The following CCNYL1 variants were observed in gnomAD, a reference collection of about 807,000 sequenced individuals.
The protein encoded by CCNYL1 is cyclin-Y-like protein 1.
In CCNYL1, 16 loss-of-function variants were observed where a neutral mutation model predicts 44.2. The ratio of observed to expected loss-of-function variants is 0.36; its 90% CI spans 0.25 to 0.55. The LOEUF (loss-of-function observed/expected upper bound fraction) is 0.55. Ranked by LOEUF, CCNYL1 falls within the 20% of genes least tolerant of loss-of-function variation. CCNYL1 has a pLI of 0.85. For missense variants in CCNYL1, 348 were observed against 451.8 expected (o/e 0.77, Z 2.08); for synonymous variants, 159 against 163.2 (o/e 0.97, Z 0.20).
chr2:207,743,963 G>A (rs541800477), intron 7 of CCNYL1, among the ~76,000 whole-genome samples: 1 of 152,134 alleles, frequency 6.6e-6, no homozygotes, highest in Non-Finnish European at 1.5e-5. Context: ...CTAGAGTAGA[G>A]GAGAGGCAGA....
At chr2:207,751,194 G>A (rs2091887891) in intron 9 of CCNYL1, 75 bp downstream of exon 9, 3 of 1,302,028 alleles carry the variant, frequency 2.3e-6, no homozygotes, top group African/African-American at 1.5e-5. Flanking sequence ...ATCATATTAA[G>A]TAGTGATTAG....
intron 5 of CCNYL1, among the ~76,000 whole-genome samples, chr2:207,738,138 A>C (rs1415936553): frequency 6.6e-6 from 1 of 152,328 alleles, no homozygotes; most frequent in Non-Finnish European, 1.5e-5. Flanking sequence ...AAGATGACCT[A>C]GCCTCACGCA....
At chr2:207,748,362 G>A (rs187296252) in intron 8 of CCNYL1, among the ~76,000 whole-genome samples, 1 of 152,296 alleles carries the variant, frequency 6.6e-6, no homozygotes, top group African/African-American at 2.4e-5. Context: ...AGAGTGCAAG[G>A]ATCCTTGCTG....
intron 1 of CCNYL1, among the ~76,000 whole-genome samples, chr2:207,721,527 CCT>C (rs1461916220): frequency 2.6e-5 from 4 of 152,158 alleles, no homozygotes; most frequent in Admixed American, 2.6e-4. Context: ...GATTTCTTCC[CCT>C]GAGGGGGGTG....
At position 207,727,183 on chromosome 2, in the gene CCNYL1, T is replaced by C. The variant is rs2091686409; in HGVS notation, c.330+307T>C. Among the ~76,000 whole-genome samples, 3 of 152,358 alleles carry C rather than the reference T, an allele frequency of 2.0e-5. 1 individual carries two copies. The highest frequency in any genetic ancestry group is 1.9e-4 in the East Asian group (1 of 5,196). ...TTTTAAAAATCAAGTAACAAAATTA[T>C]AATAGCTAAGTTCATTTTTAGCACT... On this transcript the variant is annotated intron_variant, in intron 3 of 9. Transcript: ENST00000295414.
chr2:207,734,604 T>C (rs1267529290), intron 4 of CCNYL1, among the ~76,000 whole-genome samples: 2 of 152,210 alleles, frequency 1.3e-5, no homozygotes, highest in Non-Finnish European at 2.9e-5. Flanking sequence ...AACAACTCCA[T>C]TGGGGTTGTC....
chr2:207,741,493 C>T (rs935511559), intron 6 of CCNYL1, among the ~76,000 whole-genome samples: 9 of 152,156 alleles, frequency 5.9e-5, no homozygotes, highest in African/African-American at 1.9e-4. Context: ...AGTCATGTCA[C>T]TCAACCAGAA....
In CCNYL1 at chr2:207,744,570, A is replaced by T. The variant is rs1256622998; in HGVS notation, c.639+2228A>T. Among the ~76,000 whole-genome samples, 8 of 148,320 alleles carry T rather than the reference A, an allele frequency of 5.4e-5. No individual in the cohort carries two copies. In the East Asian group the frequency reaches 1.6e-3, roughly 30 times the overall value. On this transcript the variant is annotated intron_variant, in intron 7 of 9. Transcript: ENST00000295414. ...TTTTAAGTAGAGACCGGGCTTCGCC[A>T]TGTTGGTCAGGCTAGTCTTGAACTC...
intron 1 of CCNYL1, among the ~76,000 whole-genome samples, chr2:207,716,708 A>G (rs1185007508): frequency 6.6e-6 from 1 of 152,206 alleles, no homozygotes; most frequent in African/African-American, 2.4e-5. Flanking sequence ...TTTGATTTCA[A>G]GGGTACCGAT....
At chr2:207,735,733 G>A (rs933543730) in intron 4 of CCNYL1, among the ~76,000 whole-genome samples, 77 of 152,108 alleles carry the variant, frequency 5.1e-4, no homozygotes, top group African/African-American at 1.8e-3. Context: ...CAAGCGTGGT[G>A]GCGTGCACCT....
At chr2:207,712,276 G>T (rs1309052612) in intron 1 of CCNYL1, among the ~76,000 whole-genome samples, 160 bp downstream of exon 1, 1 of 152,042 alleles carries the variant, frequency 6.6e-6, no homozygotes, top group African/African-American at 2.4e-5. Flanking sequence ...CCTTATTCTT[G>T]CCCTGCTGCG....
intron 6 of CCNYL1, 109 bp downstream of exon 6, chr2:207,740,815 A>T: frequency 2.9e-6 from 2 of 678,596 alleles, no homozygotes; most frequent in South Asian, 3.6e-5. Context: ...CTATGAAGAT[A>T]ATTAGAAAAC....
Position 207,711,813 on chromosome 2 carries a change from C to T in CCNYL1, c.-84C>T, listed in dbSNP as rs2091550206. ...CCGGGGCTGCCGGTGCCGGCCGCGC[C>T]ATTGTTGGGGGAGGGGGCGGCTGTT... On this transcript the variant is annotated 5_prime_UTR_variant, in exon 1 of 10. Coordinates refer to ENST00000295414, the MANE Select transcript of CCNYL1 (RefSeq NM_001330218.2). 1.1e-6 allele frequency: 1 copy of T among 952,010 alleles called. No homozygotes were observed. The highest frequency in any genetic ancestry group is 1.4e-6 in the Non-Finnish European group (1 of 704,934). The allele number at this position is 952,010 out of a possible 1,614,324, so 59.0% of individuals were successfully genotyped here. A position where few individuals can be genotyped will look rare whatever the true frequency, so the allele number is the denominator to read the frequency against.
In CCNYL1 at chr2:207,726,844, C is replaced by A. The variant is rs755335712; in HGVS notation, c.298C>A (p.Arg100=). 37 of 1,558,738 alleles carry A rather than the reference C, an allele frequency of 2.4e-5. No homozygotes were observed. The highest frequency in any genetic ancestry group is 3.0e-5 in the Non-Finnish European group (35 of 1,157,732). Residue 100 remains arginine, a splice_region_variant and synonymous_variant, in exon 3 of 10, where the codon CGA becomes AGA. Coordinates refer to ENST00000295414, the MANE Select transcript of CCNYL1 (RefSeq NM_001330218.2). ...CAGCTAATTTTTTTTATTCTTAGTG[C>A]GAGAAAAGAGGAAGAGCAACCATTT... is the stretch of plus-strand genomic sequence containing the variant. ...IFLSKSQTDV[R]EKRKSNHLNH...
In CCNYL1 at chr2:207,753,831, A is replaced by G. The variant is rs1240277336; in HGVS notation, c.*133A>G. 6 of 602,796 alleles carry G rather than the reference A, an allele frequency of 1.0e-5. No individual in the cohort carries two copies. The highest frequency in any genetic ancestry group is 3.0e-5 in the Admixed American group (1 of 33,218). 37.3% of individuals were successfully genotyped at this position (602,796 alleles called of 1,614,324 possible). On this transcript the variant is annotated 3_prime_UTR_variant, in exon 10 of 10. Transcript: ENST00000295414. ...GAAAGATCTCAAATTCAAGAGACTC[A>G]TGGACAACAAGGATTATACTCCACA...
intron 1 of CCNYL1, among the ~76,000 whole-genome samples, chr2:207,712,588 GC>G (rs2091559497): frequency 6.6e-6 from 1 of 152,108 alleles, no homozygotes; most frequent in Non-Finnish European, 1.5e-5. Flanking sequence ...CGTGAAGATA[GC>G]TGATGCCCGC....
At chr2:207,738,569 A>G (rs2091782875) in intron 5 of CCNYL1, among the ~76,000 whole-genome samples, 2 of 152,134 alleles carry the variant, frequency 1.3e-5, no homozygotes, top group Admixed American at 1.3e-4. Context: ...GTTTCTTAAA[A>G]TGGTTACAGT....
intron 1 of CCNYL1, among the ~76,000 whole-genome samples, chr2:207,724,186 C>T (rs918843245): frequency 1.3e-5 from 2 of 152,090 alleles, no homozygotes; most frequent in African/African-American, 2.4e-5. Context: ...TGAGGGCAAA[C>T]GTTAATCATT....
At chr2:207,714,082 G>A (rs2091574178) in intron 1 of CCNYL1, among the ~76,000 whole-genome samples, 1 of 152,118 alleles carries the variant, frequency 6.6e-6, no homozygotes, top group Admixed American at 6.5e-5. Flanking sequence ...AAAGAGTTAG[G>A]TATGTAGAAT....
Sources: gnomAD v4.1 joint callset for allele counts (sites outside exome capture counted in the v4.1 genomes callset) on GRCh38, gnomAD v4.1.1 for gene constraint, MANE v1.5 for transcripts, NCBI Gene and HGNC (gene_info 2026-07-23, HGNC 2026-07-21) for gene names.